SPON1: variants seen among roughly 807,000 people sequenced by gnomAD.
SPON1 encodes spondin-1.
SPON1 carries 52 observed loss-of-function variants against 111.7 expected under a neutral mutation model. That is an observed-to-expected ratio of 0.47 (90% confidence interval 0.37 to 0.59). The LOEUF is 0.59. SPON1 is among the 20% of genes least tolerant of loss of function. The pLI is 0.00. For synonymous variants in SPON1, 410 were observed against 395.8 expected (o/e 1.04, Z -0.43); for missense variants, 957 against 1,068.5 (o/e 0.90, Z 1.46).
intron 3 of SPON1, among the ~76,000 whole-genome samples, chr11:14,048,424 G>A (rs758233746): frequency 3.9e-5 from 6 of 152,194 alleles, no homozygotes; most frequent in African/African-American, 7.2e-5. Flanking sequence ...ACTGATGAAT[G>A]TCTATAGATG....
At chr11:14,037,465 A>G (rs1389513549) in intron 2 of SPON1, among the ~76,000 whole-genome samples, 5 of 152,114 alleles carry the variant, frequency 3.3e-5, no homozygotes, top group Admixed American at 3.3e-4. Context: ...AGCAAAGGTA[A>G]TATAATAGAG....
intron 6 of SPON1, among the ~76,000 whole-genome samples, chr11:14,191,160 A>T (rs1554934518): frequency 6.6e-6 from 1 of 152,138 alleles, no homozygotes; most frequent in East Asian, 1.9e-4. Context: ...TAAAAAATAC[A>T]TTGCTCATCC....
intron 6 of SPON1, among the ~76,000 whole-genome samples, chr11:14,142,532 A>C (rs539120206): frequency 6.6e-6 from 1 of 152,368 alleles, no homozygotes; most frequent in Admixed American, 6.5e-5. Flanking sequence ...AAAGAGCTAC[A>C]GTAAAACTCC....
chr11:14,173,370 T>G (rs1372413438), intron 6 of SPON1, among the ~76,000 whole-genome samples: 1 of 152,190 alleles, frequency 6.6e-6, no homozygotes, highest in Non-Finnish European at 1.5e-5. Context: ...TTCTCTCCAT[T>G]GGTTATTCTA....
At chr11:14,100,808 A>G (rs1051243782) in intron 5 of SPON1, among the ~76,000 whole-genome samples, 15 of 152,144 alleles carry the variant, frequency 9.9e-5, no homozygotes, top group African/African-American at 3.4e-4. Context: ...CAAACCCCCT[A>G]AGGCCTTATA....
At chr11:14,231,366 C>T (rs191661197) in intron 6 of SPON1, among the ~76,000 whole-genome samples, 31 of 152,156 alleles carry the variant, frequency 2.0e-4, no homozygotes, top group Admixed American at 7.2e-4. Flanking sequence ...ATCTCCTGAC[C>T]GCGTGATCCA....
chr11:14,045,028 G>A (rs186539660), intron 3 of SPON1, among the ~76,000 whole-genome samples: 42 of 152,280 alleles, frequency 2.8e-4, no homozygotes, highest in African/African-American at 8.2e-4. Context: ...AAATTTCCAA[G>A]TTTTTATCCA....
intron 2 of SPON1, among the ~76,000 whole-genome samples, chr11:14,002,830 T>A (rs1023118016): frequency 6.6e-6 from 1 of 152,000 alleles, no homozygotes; most frequent in African/African-American, 2.4e-5. Flanking sequence ...GGGGTTCAAG[T>A]TGGCCAGGAA....
intron 6 of SPON1, among the ~76,000 whole-genome samples, chr11:14,184,922 G>T (rs188267263): frequency 6.6e-6 from 1 of 152,166 alleles, no homozygotes; most frequent in African/African-American, 2.4e-5. Context: ...CTCAGATTCC[G>T]TGGAACCCAT....
intron 1 of SPON1, among the ~76,000 whole-genome samples, chr11:13,981,238 A>G (rs1022635553): frequency 3.3e-5 from 5 of 152,190 alleles, no homozygotes; most frequent in African/African-American, 1.2e-4. Flanking sequence ...GCAATAAAAG[A>G]TTTCCATCTC....
In SPON1 at chr11:14,267,059, CAAATGT is replaced by C. The variant is rs1308238407; in HGVS notation, c.*1373_*1378del. ...TTATAGGCCTTATTACTGCTTAATCCAAATGTGTACCATTGGTGAGACACATACAAT... is the reference window on the plus strand; with the variant it reads ...TTATAGGCCTTATTACTGCTTAATCCGTACCATTGGTGAGACACATACAAT... On this transcript the variant is annotated 3_prime_UTR_variant, in exon 16 of 16. Coordinates refer to ENST00000576479, the MANE Select transcript of SPON1 (RefSeq NM_006108.4). 1 of 152,146 alleles carries C rather than the reference CAAATGT, an allele frequency of 6.6e-6. No homozygotes were observed. Among genetic ancestry groups the C allele is most frequent in the Non-Finnish European group, 1.5e-5 (1 of 68,030 alleles). 9.4% of individuals were successfully genotyped at this position (152,146 alleles called of 1,614,324 possible).
chr11:14,066,753 C>T (rs1417845599), intron 3 of SPON1, among the ~76,000 whole-genome samples: 2 of 152,310 alleles, frequency 1.3e-5, no homozygotes, highest in African/African-American at 4.8e-5. Context: ...ACTTGAAGGC[C>T]TGACCCAGCA....
intron 1 of SPON1, among the ~76,000 whole-genome samples, chr11:13,972,546 G>A (rs943784365): frequency 7.9e-5 from 12 of 152,148 alleles, no homozygotes; most frequent in African/African-American, 2.9e-4. Context: ...AAGTTGATAA[G>A]AATATTGAGC....
chr11:14,087,757 T>A (rs1261315202), intron 5 of SPON1, among the ~76,000 whole-genome samples: 2 of 152,176 alleles, frequency 1.3e-5, no homozygotes, highest in East Asian at 3.9e-4. Flanking sequence ...TTTCCCACTA[T>A]TATTCTGTAG....
intron 5 of SPON1, among the ~76,000 whole-genome samples, chr11:14,116,329 T>C (rs1339094339): frequency 6.6e-6 from 1 of 152,158 alleles, no homozygotes; most frequent in Non-Finnish European, 1.5e-5. Flanking sequence ...GTCGTGAAGA[T>C]GTTCTCTTGT....
intron 6 of SPON1, among the ~76,000 whole-genome samples, chr11:14,140,466 C>T (rs1847640731): frequency 6.6e-6 from 1 of 152,204 alleles, no homozygotes; most frequent in African/African-American, 2.4e-5. Context: ...GCAATCTTAG[C>T]TCACTGCAAC....
intron 5 of SPON1, among the ~76,000 whole-genome samples, chr11:14,084,283 T>C (rs1374808735): frequency 2.6e-5 from 4 of 152,180 alleles, no homozygotes; most frequent in Non-Finnish European, 5.9e-5. Context: ...TTTGTCCTAA[T>C]GCTCTCCCTC....
At chr11:14,021,319 T>C (rs1029512916) in intron 2 of SPON1, among the ~76,000 whole-genome samples, 4 of 152,234 alleles carry the variant, frequency 2.6e-5, no homozygotes, top group Admixed American at 2.6e-4. Context: ...AAGTTGTGTT[T>C]AGAAGGAAAT....
chr11:14,148,602 C>T (rs2133867203), intron 6 of SPON1, among the ~76,000 whole-genome samples: 1 of 152,300 alleles, frequency 6.6e-6, no homozygotes, highest in East Asian at 1.9e-4. Context: ...GAGCTACAGT[C>T]CACCTGTTAT....
Sources: gnomAD v4.1 joint callset for allele counts (sites outside exome capture counted in the v4.1 genomes callset) on GRCh38, gnomAD v4.1.1 for gene constraint, MANE v1.5 for transcripts, NCBI Gene and HGNC (gene_info 2026-07-23, HGNC 2026-07-21) for gene names.